LARP1B: variants seen among roughly 807,000 people sequenced by gnomAD.
LARP1B encodes la-related protein 1B.
A neutral mutation model predicts 114.2 loss-of-function variants in LARP1B; 76 were observed. That is an observed-to-expected ratio of 0.67 (90% confidence interval 0.55 to 0.81). The LOEUF (loss-of-function observed/expected upper bound fraction) is 0.81. LARP1B is among the 30% of genes least tolerant of loss of function. LARP1B has a pLI of 0.00. For synonymous variants in LARP1B, 345 were observed against 348.0 expected, an observed-to-expected ratio of 0.99 and a Z score of 0.10; for missense variants, 1,014 against 1,075.8, an observed-to-expected ratio of 0.94 and a Z score of 0.80.
rs1049866015 is a variant in LARP1B at position 128,123,280 on chromosome 4, CCTA to C, written c.1524+1095_1524+1097del. 10 of 985,270 alleles carry C rather than the reference CCTA, an allele frequency of 1.0e-5. No homozygotes were observed. The African/African-American group carries it at 1.6e-4, about 15-fold the overall frequency. The allele number at this position is 985,270 out of a possible 1,614,324, so 61.0% of individuals were successfully genotyped here. On this transcript the variant is annotated intron_variant, in intron 11 of 19. Transcript: ENST00000326639. ...AGAGCCTTAGCAGTTCTCTGCCTGTCCTACTGCTGTGGGAAAGGAAGTGTGTTT... is the reference window on the plus strand; with the variant it reads ...AGAGCCTTAGCAGTTCTCTGCCTGTCCTGCTGTGGGAAAGGAAGTGTGTTT...
At chr4:128,073,577 T>TTG (rs1766430507) in intron 1 of LARP1B, among the ~76,000 whole-genome samples, 1 of 16,624 alleles carries the variant, frequency 6.0e-5, no homozygotes, top group African/African-American at 2.2e-4. Flanking sequence ...TTGTCGTTTT[T>TTG]TTTTTTTTTT....
At chr4:128,195,809 A>T (rs1283480053) in intron 15 of LARP1B, among the ~76,000 whole-genome samples, 3 of 152,252 alleles carry the variant, frequency 2.0e-5, no homozygotes, top group Admixed American at 1.3e-4. Context: ...AAGGAAACTA[A>T]AAGTTGATTC....
At chr4:128,194,018 C>A (rs184856101) in intron 15 of LARP1B, among the ~76,000 whole-genome samples, 10 of 152,236 alleles carry the variant, frequency 6.6e-5, no homozygotes, top group African/African-American at 2.4e-4. Flanking sequence ...GCTAAGAAGT[C>A]CATCAAAGAA....
intron 11 of LARP1B, 24 bp from the exon 12 acceptor site, chr4:128,162,166 GTAAT>G: frequency 6.2e-7 from 1 of 1,607,006 alleles, no homozygotes; most frequent in Non-Finnish European, 8.5e-7. Flanking sequence ...AGCCAGTTTA[GTAAT>G]TAGATTCCTC....
rs376045079 is a variant in LARP1B at position 128,176,877 on chromosome 4, G to C, written c.1654G>C (p.Val552Leu). ...VAPSQSRQGG[V>L]QGVLHIPKKD... ...CTAATTAACTCTCTTGGCAGGAGGT[G>C]TTCAAGGAGTGCTTCACATTCCCAA... The change falls in exon 13 of 20, where the codon GTT (valine) becomes CTT (leucine). Residue 552 changes from valine (V) to leucine (L), a missense_variant. Physicochemically the swap from Val to Leu is conservative, Grantham distance 32. Coordinates refer to ENST00000326639, the MANE Select transcript of LARP1B (RefSeq NM_018078.4). 1.9e-6 allele frequency: 3 copies of C among 1,613,980 alleles called. No homozygotes were observed. Among genetic ancestry groups the C allele is most frequent in the Non-Finnish European group, 1.7e-6 (2 of 1,179,840 alleles).
chr4:128,105,293 T>C (rs1321724721), intron 8 of LARP1B, among the ~76,000 whole-genome samples: 1 of 152,226 alleles, frequency 6.6e-6, no homozygotes. Flanking sequence ...TAGATTAGTC[T>C]GTTCTTGGCA....
At position 128,206,480 on chromosome 4, in the gene LARP1B, T is replaced by C; in HGVS notation, c.2362T>C (p.Phe788Leu). ...RFYSYGLEKK[F>L]RREIFQDFQE... ...TTATAGTTATGGACTGGAAAAAAAA[T>C]TCAGGCGAGAAATTTTTCAGGATTT... Residue 788 changes from phenylalanine (F) to leucine (L), a missense_variant, in exon 18 of 20, where the codon TTC (phenylalanine) becomes CTC (leucine). Phe to Leu is a conservative substitution (Grantham distance 22, BLOSUM62 0). Coordinates refer to ENST00000326639, the MANE Select transcript of LARP1B (RefSeq NM_018078.4). 6.2e-7 allele frequency: 1 copy of C among 1,613,262 alleles called. No individual in the cohort carries two copies.
rs1047119664 is a variant in LARP1B, at chr4:128,211,631, T to G, written c.*1578T>G. 17 of 981,002 alleles carry G rather than the reference T, an allele frequency of 1.7e-5. No homozygotes were observed. In the African/African-American group the frequency reaches 2.8e-4, roughly 16 times the overall value. 60.8% of individuals were successfully genotyped at this position (981,002 alleles called of 1,614,324 possible). A position where few individuals can be genotyped will look rare whatever the true frequency, so the allele number is the denominator to read the frequency against. On this transcript the variant is annotated 3_prime_UTR_variant, in exon 20 of 20. Coordinates refer to ENST00000326639, the MANE Select transcript of LARP1B (RefSeq NM_018078.4). ...GAATAATAGATCTTCAAGTCTTTTC[T>G]TAAATGGGGTATGTAGTTCCAGCTT...
At chr4:128,130,398 C>T (rs1300129157) in intron 11 of LARP1B, among the ~76,000 whole-genome samples, 1 of 152,164 alleles carries the variant, frequency 6.6e-6, no homozygotes. Context: ...TGAGCTGACA[C>T]TTCACCAAAG....
At chr4:128,155,173 CAAAA>C (rs960017224) in intron 11 of LARP1B, among the ~76,000 whole-genome samples, 1 of 152,130 alleles carries the variant, frequency 6.6e-6, no homozygotes, top group African/African-American at 2.4e-5. Context: ...ACAACAAAAA[CAAAA>C]ACCAAAATTA....
intron 1 of LARP1B, among the ~76,000 whole-genome samples, chr4:128,065,331 C>CCTTTCT (rs748006689): frequency 0.023 from 1,664 of 72,692 alleles, 54 homozygotes; most frequent in Admixed American, 0.039. Context: ...CTCTCTCTCT[C>CCTTTCT]TTTCCTTTCT....
At chr4:128,201,801 T>C (rs771890548) in intron 17 of LARP1B, among the ~76,000 whole-genome samples, 2 of 152,060 alleles carry the variant, frequency 1.3e-5, no homozygotes, top group Non-Finnish European at 2.9e-5. Flanking sequence ...TATTTATTCA[T>C]GGGGAAAAGG....
intron 17 of LARP1B, 100 bp downstream of exon 17, chr4:128,200,765 A>G (rs1033788109): frequency 1.2e-6 from 1 of 835,950 alleles, no homozygotes; most frequent in African/African-American, 1.8e-5. Flanking sequence ...TTAGAAAATA[A>G]TTTTTAAAAC....
intron 9 of LARP1B, chr4:128,108,072 A>C: frequency 7.0e-7 from 1 of 1,432,768 alleles, no homozygotes; most frequent in Non-Finnish European, 9.1e-7. Flanking sequence ...CCAACACTGC[A>C]GTGGAGATAA....
At chr4:128,097,658 G>A (rs1479507180) in intron 7 of LARP1B, among the ~76,000 whole-genome samples, 3 of 152,166 alleles carry the variant, frequency 2.0e-5, no homozygotes, top group Non-Finnish European at 4.4e-5. Flanking sequence ...GGCTTCAGAA[G>A]TATTAAACAT....
chr4:128,199,672 C>A (rs917915244), intron 16 of LARP1B, 73 bp downstream of exon 16: 8 of 688,558 alleles, frequency 1.2e-5, no homozygotes, highest in Non-Finnish European at 1.7e-5. Flanking sequence ...TAAATGTTGT[C>A]ATTTAATATC....
At chr4:128,133,622 A>G (rs1792249199) in intron 11 of LARP1B, among the ~76,000 whole-genome samples, 1 of 152,266 alleles carries the variant, frequency 6.6e-6, no homozygotes. Context: ...ACCTTGTGGT[A>G]CTGTCATAAA....
At chr4:128,135,959 A>G (rs1269905232) in intron 11 of LARP1B, among the ~76,000 whole-genome samples, 1 of 152,084 alleles carries the variant, frequency 6.6e-6, no homozygotes, top group Non-Finnish European at 1.5e-5. Flanking sequence ...TAAAAATCCA[A>G]CTACATACCA....
intron 11 of LARP1B, among the ~76,000 whole-genome samples, chr4:128,129,164 C>CAAAAAAAAAAAAAAA (rs559312234): frequency 2.6e-4 from 13 of 49,142 alleles, no homozygotes; most frequent in African/African-American, 9.7e-4. Flanking sequence ...GACTCTGTCT[C>CAAAAAAAAAAAAAAA]AAAAAAAAAA....
Sources: allele counts gnomAD v4.1 joint callset (sites outside exome capture counted in the v4.1 genomes callset), GRCh38; gene constraint gnomAD v4.1.1; transcripts MANE v1.5; gene names NCBI Gene and HGNC (gene_info 2026-07-23, HGNC 2026-07-21).